STXBP5L: variants seen among roughly 807,000 people sequenced by gnomAD.
The protein encoded by STXBP5L is syntaxin binding protein 5L.
In STXBP5L, 65 loss-of-function variants were observed where a neutral mutation model predicts 144.5. That is an observed-to-expected ratio of 0.45 (90% confidence interval 0.37 to 0.55). The LOEUF (loss-of-function observed/expected upper bound fraction) is 0.55. Among genes scored for constraint, STXBP5L ranks in the 20% least tolerant of loss-of-function variants. The probability of loss-of-function intolerance (pLI) is 0.00; values close to 1 mark genes in which losing one functional copy is unlikely to be tolerated. For synonymous variants in STXBP5L, 505 were observed against 469.6 expected (o/e 1.08, Z -0.97); for missense variants, 1,298 against 1,405.5 (o/e 0.92, Z 1.22).
intron 9 of STXBP5L, among the ~76,000 whole-genome samples, chr3:121,190,281 A>G (rs1414887730): frequency 1.3e-5 from 2 of 152,192 alleles, no homozygotes; most frequent in African/African-American, 4.8e-5. Context: ...GCTGCCTTCA[A>G]GCATCTGTTT....
chr3:121,310,152 G>A (rs138055827), intron 19 of STXBP5L, among the ~76,000 whole-genome samples: 11 of 152,236 alleles, frequency 7.2e-5, no homozygotes, highest in South Asian at 4.1e-4. Flanking sequence ...CCTACTTCAC[G>A]TCACAACCAA....
chr3:121,342,504 C>G (rs1370403502), intron 20 of STXBP5L, among the ~76,000 whole-genome samples: 1 of 130,584 alleles, frequency 7.7e-6, no homozygotes, highest in Non-Finnish European at 1.6e-5. Flanking sequence ...CCCCTCCCCC[C>G]ACCCCACAAC....
intron 3 of STXBP5L, among the ~76,000 whole-genome samples, chr3:120,967,186 T>C (rs926590842): frequency 2.0e-5 from 3 of 152,034 alleles, no homozygotes; most frequent in African/African-American, 7.2e-5. Flanking sequence ...AGTGTCCTGT[T>C]TTTCCATGTA....
chr3:121,323,500 G>A (rs2044044758), intron 20 of STXBP5L, among the ~76,000 whole-genome samples: 1 of 152,148 alleles, frequency 6.6e-6, no homozygotes, highest in African/African-American at 2.4e-5. Flanking sequence ...GAAAAGAGCA[G>A]GGATTGGGAG....
At chr3:121,141,130 C>A (rs530713447) in intron 7 of STXBP5L, among the ~76,000 whole-genome samples, 2 of 152,302 alleles carry the variant, frequency 1.3e-5, no homozygotes, top group South Asian at 4.1e-4. Context: ...TTAGGCCAGA[C>A]ATGGTGGCTT....
intron 3 of STXBP5L, among the ~76,000 whole-genome samples, chr3:120,985,297 G>T (rs1051058091): frequency 2.0e-5 from 3 of 151,934 alleles, no homozygotes; most frequent in African/African-American, 7.2e-5. Context: ...GCTTTTCTTT[G>T]TCAGGAGATG....
At chr3:120,959,542 A>G (rs1463691865) in intron 3 of STXBP5L, among the ~76,000 whole-genome samples, 1 of 152,246 alleles carries the variant, frequency 6.6e-6, no homozygotes, top group African/African-American at 2.4e-5. Context: ...TGGTACTGGT[A>G]CCAAAACAGA....
intron 14 of STXBP5L, among the ~76,000 whole-genome samples, chr3:121,243,095 C>T (rs117079259): frequency 6.6e-6 from 1 of 152,230 alleles, no homozygotes; most frequent in African/African-American, 2.4e-5. Context: ...ATGGCTTCAC[C>T]TTTTTGAGGG....
At chr3:121,200,181 G>T (rs1278550739) in intron 9 of STXBP5L, among the ~76,000 whole-genome samples, 1 of 152,062 alleles carries the variant, frequency 6.6e-6, no homozygotes, top group Non-Finnish European at 1.5e-5. Flanking sequence ...GTACATTCCA[G>T]GATTTAACTT....
chr3:121,206,137 C>G (rs980007361), intron 10 of STXBP5L, 136 bp downstream of exon 10: 7 of 455,248 alleles, frequency 1.5e-5, no homozygotes, highest in Non-Finnish European at 2.4e-5. Flanking sequence ...ACATAATTGA[C>G]TTGTCTCATA....
Position 121,121,717 on chromosome 3 carries a change from A to T in STXBP5L, c.669+13A>T. 6.4e-7 allele frequency: 1 copy of T among 1,573,238 alleles called. No homozygotes were observed. Among genetic ancestry groups the T allele is most frequent in the Non-Finnish European group, 8.7e-7 (1 of 1,147,172 alleles). ...AGATGAAGGCAAAGTGAGTATTATG[A>T]TATCTTTATTATTAGTTTTATTTTC... On this transcript the variant is annotated intron_variant, in intron 7 of 26. Transcript: ENST00000471454.
At chr3:120,979,598 G>C (rs187242596) in intron 3 of STXBP5L, among the ~76,000 whole-genome samples, 2 of 152,096 alleles carry the variant, frequency 1.3e-5, no homozygotes, top group African/African-American at 2.4e-5. Context: ...AGATGAACCC[G>C]GTACCTCCGA....
chr3:121,263,288 G>C (rs1216324350), intron 18 of STXBP5L, among the ~76,000 whole-genome samples: 1 of 152,100 alleles, frequency 6.6e-6, no homozygotes, highest in Non-Finnish European at 1.5e-5. Flanking sequence ...CAACAAAAAG[G>C]ACATTCACAC....
chr3:121,153,011 TG>T (rs1179267829), intron 8 of STXBP5L, among the ~76,000 whole-genome samples: 4 of 152,126 alleles, frequency 2.6e-5, no homozygotes, highest in African/African-American at 9.6e-5. Context: ...TGAAAGGTCT[TG>T]TCTTCTAATA....
chr3:121,196,378 A>G (rs1384783736), intron 9 of STXBP5L, among the ~76,000 whole-genome samples: 1 of 151,920 alleles, frequency 6.6e-6, no homozygotes, highest in Non-Finnish European at 1.5e-5. Flanking sequence ...ACCTCAGGTA[A>G]TCCACCTGCC....
In STXBP5L at chr3:121,279,882, T is replaced by C. The variant is rs1160215708; in HGVS notation, c.2036T>C (p.Ile679Thr). ...QKTVLLSMGT[I>T]DLYRSSDLYQ... is the part of the protein sequence containing the mutation. Reference sequence around the variant, plus strand: ...ACAGTACTGTTAAGCATGGGGACCATTGACCTATATAGATCAAGTGACTTA... The same window carrying C: ...ACAGTACTGTTAAGCATGGGGACCACTGACCTATATAGATCAAGTGACTTA... Residue 679 changes from isoleucine to threonine, a missense_variant, in exon 19 of 27, where the codon ATT becomes ACT. By Grantham distance (89) the Ile-to-Thr change is moderately conservative. Coordinates refer to ENST00000471454, the MANE Select transcript of STXBP5L (RefSeq NM_001308330.2). 6 of 1,612,724 alleles carry C rather than the reference T, an allele frequency of 3.7e-6. No individual in the cohort carries two copies. Among genetic ancestry groups the C allele is most frequent in the Middle Eastern group, 1.7e-4 (1 of 6,060 alleles).
intron 18 of STXBP5L, among the ~76,000 whole-genome samples, chr3:121,274,418 T>A (rs1223017454): frequency 6.6e-6 from 1 of 152,246 alleles, no homozygotes; most frequent in Non-Finnish European, 1.5e-5. Flanking sequence ...GTTAAGGCTG[T>A]TAAGGTCCTC....
intron 2 of STXBP5L, among the ~76,000 whole-genome samples, chr3:120,925,742 C>T (rs1055879907): frequency 6.6e-6 from 1 of 152,028 alleles, no homozygotes; most frequent in Non-Finnish European, 1.5e-5. Context: ...TACTGTCTTC[C>T]TTTGTGGTTA....
intron 19 of STXBP5L, among the ~76,000 whole-genome samples, chr3:121,297,520 G>A (rs9849608): frequency 0.099 from 15,105 of 152,128 alleles, 1,185 homozygotes; most frequent in Admixed American, 0.2. Context: ...TTGGGAGGCA[G>A]AGGTGGGCAG....
Sources: gnomAD v4.1 joint callset for allele counts (sites outside exome capture counted in the v4.1 genomes callset) on GRCh38, gnomAD v4.1.1 for gene constraint, MANE v1.5 for transcripts, NCBI Gene and HGNC (gene_info 2026-07-23, HGNC 2026-07-21) for gene names.